GSTCD: variants seen among roughly 807,000 people sequenced by gnomAD.
GSTCD encodes the protein glutathione S-transferase C-terminal domain containing, also known as glutathione S-transferase C-terminal domain-containing protein.
A neutral mutation model predicts 68.3 loss-of-function variants in GSTCD; 44 were observed. That is an observed-to-expected ratio of 0.64 (90% CI 0.51 to 0.83). The LOEUF is 0.83. Among genes scored for constraint, GSTCD ranks in the 40% least tolerant of loss-of-function variants. The pLI is 0.00. For missense variants in GSTCD, 739 were observed against 735.9 expected (o/e 1.00, Z -0.05); for synonymous variants, 273 against 255.2 (o/e 1.07, Z -0.67).
At chr4:105,727,024 T>C (rs1420514407) in intron 4 of GSTCD, among the ~76,000 whole-genome samples, 194 bp downstream of exon 4, 4 of 152,084 alleles carry the variant, frequency 2.6e-5, no homozygotes, top group Admixed American at 2.6e-4. Context: ...AAACTTTTAG[T>C]ATTATGTATT....
intron 1 of GSTCD, among the ~76,000 whole-genome samples, chr4:105,710,365 C>T (rs1226169311): frequency 5.5e-5 from 8 of 144,796 alleles, no homozygotes; most frequent in African/African-American, 2.1e-4. Flanking sequence ...GGATTACAGG[C>T]GCCCACAATC....
chr4:105,809,988 C>A (rs761411791), intron 5 of GSTCD, among the ~76,000 whole-genome samples: 5 of 151,868 alleles, frequency 3.3e-5, no homozygotes, highest in Non-Finnish European at 7.4e-5. Flanking sequence ...TAGATGCTAA[C>A]CTAGTTTTTT....
intron 5 of GSTCD, among the ~76,000 whole-genome samples, chr4:105,740,564 G>A (rs913732479): frequency 6.6e-6 from 1 of 152,098 alleles, no homozygotes; most frequent in Non-Finnish European, 1.5e-5. Flanking sequence ...GGGGGCGTGG[G>A]ATGCTTGGGC....
At position 105,846,211 on chromosome 4, in the gene GSTCD, G is replaced by A. The variant is rs1335324834; in HGVS notation, c.*634G>A. ...AGGTGGGAGGATCATTTGAGCCCAGGATATCGAGACCAGCCTGCACTACAA... is the reference window on the plus strand; with the variant it reads ...AGGTGGGAGGATCATTTGAGCCCAGAATATCGAGACCAGCCTGCACTACAA... On this transcript the variant is annotated 3_prime_UTR_variant, in exon 12 of 12. Coordinates refer to ENST00000515279, the MANE Select transcript of GSTCD (RefSeq NM_001370181.1). 1 of 151,916 alleles carries A rather than the reference G, an allele frequency of 6.6e-6. No homozygotes were observed. The highest frequency in any genetic ancestry group is 1.5e-5 in the Non-Finnish European group (1 of 68,062). The allele number at this position is 151,916 out of a possible 1,614,324, so 9.4% of individuals were successfully genotyped here.
chr4:105,716,595 G>C (rs1202588269), intron 1 of GSTCD, among the ~76,000 whole-genome samples: 1 of 152,136 alleles, frequency 6.6e-6, no homozygotes, highest in Non-Finnish European at 1.5e-5. Context: ...ACTGCACGCA[G>C]GAGGGATCTA....
At chr4:105,807,527 T>A (rs760147896) in intron 5 of GSTCD, among the ~76,000 whole-genome samples, 2 of 152,124 alleles carry the variant, frequency 1.3e-5, no homozygotes, top group African/African-American at 2.4e-5. Flanking sequence ...TTTGTCTTTC[T>A]TAACTTTAAC....
chr4:105,823,748 T>C (rs1723437168), intron 7 of GSTCD: 1 of 153,118 alleles, frequency 6.5e-6, no homozygotes, highest in African/African-American at 2.4e-5. Flanking sequence ...TTGCTTTTCT[T>C]GTTCTCATTA....
At chr4:105,837,744 A>G in intron 9 of GSTCD, 115 bp from the exon 10 acceptor site, 1 of 513,264 alleles carries the variant, frequency 1.9e-6, no homozygotes, top group South Asian at 2.5e-5. Context: ...TTACTTCACC[A>G]TAGCATTTTA....
At chr4:105,793,449 G>C (rs932546137) in intron 5 of GSTCD, among the ~76,000 whole-genome samples, 1 of 150,416 alleles carries the variant, frequency 6.6e-6, no homozygotes, top group Non-Finnish European at 1.5e-5. Context: ...GATACATACT[G>C]ACATATTTCA....
At chr4:105,828,654 A>C (rs1723763107) in intron 8 of GSTCD, among the ~76,000 whole-genome samples, 1 of 152,184 alleles carries the variant, frequency 6.6e-6, no homozygotes, top group South Asian at 2.1e-4. Flanking sequence ...AAAAATGATA[A>C]GTTATTGAGT....
intron 5 of GSTCD, among the ~76,000 whole-genome samples, chr4:105,740,324 C>A (rs1260152945): frequency 6.6e-6 from 1 of 151,878 alleles, no homozygotes; most frequent in East Asian, 1.9e-4. Flanking sequence ...GTTTTGCTTG[C>A]CTTTTGCTAG....
rs141239045 is a variant in GSTCD at position 105,830,866 on chromosome 4, G to A, written c.1531-3595G>A. The stretch of plus-strand genomic sequence containing the variant: ...AAAACCATGAGAAAAGATGGAAAAA[G>A]GGAAGATAGTGTATAAATGTGCAAA... On this transcript the variant is annotated intron_variant, in intron 8 of 11. Transcript: ENST00000515279. Among the ~76,000 whole-genome samples, 79 of 152,120 alleles carry A rather than the reference G, an allele frequency of 5.2e-4. 1 individual carries two copies. The East Asian group carries it at 0.012, about 23-fold the overall frequency.
At chr4:105,763,747 G>A (rs1346352458) in intron 5 of GSTCD, among the ~76,000 whole-genome samples, 1 of 152,120 alleles carries the variant, frequency 6.6e-6, no homozygotes, top group Admixed American at 6.5e-5. Context: ...TTACATTAAA[G>A]TTTGGAATCA....
rs919247247 is a variant in GSTCD at position 105,713,682 on chromosome 4, G to A, written c.-21-3911G>A. 3.3e-5 allele frequency among the ~76,000 whole-genome samples: 5 copies of A among 152,180 alleles called. No individual in the cohort carries two copies. The East Asian group carries it at 9.6e-4, about 29-fold the overall frequency. Reference sequence around the variant, plus strand: ...GCACATAGTAGGTGGACAATAAAATGTATGTAATATTTAAAACTTTATTTA... The same window carrying A: ...GCACATAGTAGGTGGACAATAAAATATATGTAATATTTAAAACTTTATTTA... On this transcript the variant is annotated intron_variant, in intron 1 of 11. Transcript: ENST00000515279.
chr4:105,753,015 A>G (rs1296842505), intron 5 of GSTCD, among the ~76,000 whole-genome samples: 4 of 152,162 alleles, frequency 2.6e-5, no homozygotes, highest in Middle Eastern at 6.8e-3. Context: ...TTCTAGCAGC[A>G]TCTGCATTAT....
chr4:105,748,925 G>A (rs1733908309), intron 5 of GSTCD, among the ~76,000 whole-genome samples: 1 of 151,800 alleles, frequency 6.6e-6, no homozygotes, highest in Non-Finnish European at 1.5e-5. Flanking sequence ...ATATTAACAT[G>A]TTTTTTTAAA....
At chr4:105,760,855 T>A (rs1304385661) in intron 5 of GSTCD, among the ~76,000 whole-genome samples, 2 of 152,138 alleles carry the variant, frequency 1.3e-5, no homozygotes, top group African/African-American at 2.4e-5. Flanking sequence ...TTTTAAATAA[T>A]TAAAGCCAAA....
intron 5 of GSTCD, among the ~76,000 whole-genome samples, chr4:105,806,992 A>G (rs191512561): frequency 6.6e-6 from 1 of 152,102 alleles, no homozygotes; most frequent in African/African-American, 2.4e-5. Flanking sequence ...TTAGCCCTAC[A>G]CCGACCACGC....
chr4:105,841,396 C>T (rs750673307), intron 10 of GSTCD, among the ~76,000 whole-genome samples: 14 of 151,566 alleles, frequency 9.2e-5, no homozygotes, highest in Non-Finnish European at 2.1e-4. Flanking sequence ...GTTTCAAATA[C>T]ATTTTATAAA....
Sources: gnomAD v4.1 joint callset for allele counts (sites outside exome capture counted in the v4.1 genomes callset) on GRCh38, gnomAD v4.1.1 for gene constraint, MANE v1.5 for transcripts, NCBI Gene and HGNC (gene_info 2026-07-23, HGNC 2026-07-21) for gene names.